Variants in PRDM2 observed in about 807,000 individuals in gnomAD.
PRDM2 encodes the protein PR/SET domain 2, also known as PR domain zinc finger protein 2.
In PRDM2, 30 loss-of-function variants were observed where a neutral mutation model predicts 130.0. That is an observed-to-expected ratio of 0.23 (90% CI 0.17 to 0.31). The LOEUF (loss-of-function observed/expected upper bound fraction) is 0.31. Among genes scored for constraint, PRDM2 ranks in the 10% least tolerant of loss-of-function variants. The pLI, the probability that PRDM2 is intolerant of heterozygous loss-of-function variation, is 1.00. For synonymous variants in PRDM2, 871 were observed against 782.4 expected (o/e 1.11, Z -1.89); for missense variants, 2,011 against 2,108.4 (o/e 0.95, Z 0.90).
intron 2 of PRDM2, among the ~76,000 whole-genome samples, chr1:13,730,085 C>G (rs1305868314): frequency 6.6e-6 from 1 of 152,160 alleles, no homozygotes; most frequent in Non-Finnish European, 1.5e-5. Flanking sequence ...AGAAGTGTTT[C>G]CCTGTGCAGT....
At chr1:13,703,013 C>T (rs1039239837) in intron 1 of PRDM2, among the ~76,000 whole-genome samples, 4 of 152,152 alleles carry the variant, frequency 2.6e-5, no homozygotes, top group Admixed American at 1.3e-4. Flanking sequence ...ACGCTTTGTG[C>T]GCTGAGCACC....
intron 8 of PRDM2, among the ~76,000 whole-genome samples, chr1:13,793,016 G>C (rs1396852693): frequency 6.6e-6 from 1 of 152,246 alleles, no homozygotes; most frequent in African/African-American, 2.4e-5. Context: ...GTTTTAGAGA[G>C]ACTTGCATGT....
chr1:13,779,336 G>T lies in PRDM2; in HGVS notation c.1541G>T (p.Gly514Val). 6.2e-7 allele frequency: 1 copy of T among 1,614,158 alleles called. No homozygotes were observed. The highest frequency in any genetic ancestry group is 8.5e-7 in the Non-Finnish European group (1 of 1,180,030). ...RVHERHLIPK[G>V]VRRKGGLEEP... ...CACGAACGTCATCTGATTCCCAAAG[G>T]TGTACGGCGAAAAGGAGGCCTTGAA... is the stretch of plus-strand genomic sequence containing the variant. Residue 514 changes from glycine to valine, a missense_variant, in exon 8 of 10, where the codon GGT becomes GTT. Gly to Val is a moderately radical substitution (Grantham distance 109, BLOSUM62 -3). Transcript: ENST00000311066. This position sits in a 1 kb window ranked among gnomAD's most constrained non-coding sequence, Gnocchi z 4.9.
intron 8 of PRDM2, among the ~76,000 whole-genome samples, chr1:13,811,117 G>A (rs779405704): frequency 7.9e-5 from 12 of 152,004 alleles, no homozygotes; most frequent in Non-Finnish European, 1.6e-4. Flanking sequence ...CTGGGAGGTG[G>A]AGATTGCAGT....
At chr1:13,788,980 G>T (rs1353594238) in intron 8 of PRDM2, among the ~76,000 whole-genome samples, 1 of 152,182 alleles carries the variant, frequency 6.6e-6, no homozygotes, top group Admixed American at 6.5e-5. Flanking sequence ...GCGCCCTCTA[G>T]GAGGAGATCT....
intron 9 of PRDM2, among the ~76,000 whole-genome samples, chr1:13,822,543 C>T (rs1645369810): frequency 1.3e-5 from 2 of 152,116 alleles, no homozygotes; most frequent in South Asian, 4.1e-4. Context: ...CTACAGGCAC[C>T]TGCCACCATG....
Position 13,780,152 on chromosome 1 carries a change from T to C in PRDM2, c.2357T>C (p.Leu786Ser), listed in dbSNP as rs749445833. Residue 786 changes from leucine (L) to serine (S), a missense_variant, in exon 8 of 10, where the codon TTG becomes TCG. This residue lies in a region of PRDM2 where 1,288 missense variants were observed against 1,237.7 expected (regional missense o/e 1.04). Coordinates refer to ENST00000311066, the MANE Select transcript of PRDM2 (RefSeq NM_001393986.1). ...ESHSDSPAWSLSGRDERETVS... is the reference protein window; with the variant it reads ...ESHSDSPAWSSSGRDERETVS... ...CACAGCGACTCACCAGCATGGAGTT[T>C]GTCTGGGAGAGATGAGAGAGAAACT... 1.2e-6 allele frequency: 2 copies of C among 1,604,984 alleles called. No individual in the cohort carries two copies. Among genetic ancestry groups the C allele is most frequent in the Admixed American group, 3.4e-5 (2 of 59,060 alleles).
chr1:13,795,225 G>A (rs1046895973), intron 8 of PRDM2, among the ~76,000 whole-genome samples: 5 of 152,194 alleles, frequency 3.3e-5, no homozygotes, highest in African/African-American at 4.8e-5. Flanking sequence ...AATAATGTAA[G>A]GATGATCACC....
rs551230999 is a variant in PRDM2 at position 13,797,699 on chromosome 1, A to G, written c.5036+14868A>G. Among the ~76,000 whole-genome samples, 179 of 152,200 alleles carry G rather than the reference A, an allele frequency of 1.2e-3. 3 individuals are homozygous for G. The South Asian group carries it at 0.037, about 31-fold the overall frequency. On this transcript the variant is annotated intron_variant, in intron 8 of 9. Coordinates refer to ENST00000311066, the MANE Select transcript of PRDM2 (RefSeq NM_001393986.1). ...CCCTAGTTTGGATCATCTCCCCAGGATGTTTGCTCAGTGGACCACCTACAT... is the reference window on the plus strand; with the variant it reads ...CCCTAGTTTGGATCATCTCCCCAGGGTGTTTGCTCAGTGGACCACCTACAT...
Position 13,776,427 on chromosome 1 carries a change from G to A in PRDM2, c.623-1991G>A, listed in dbSNP as rs559577315. On this transcript the variant is annotated intron_variant, in intron 7 of 9. Transcript: ENST00000311066. ...GGGACTGTCGCGACAGCAGCATTGG[G>A]GACCATTCCTACTAGCACGAAACCG... Among the ~76,000 whole-genome samples, 157 of 152,240 alleles carry A rather than the reference G, an allele frequency of 1.0e-3. 1 individual carries two copies. The highest frequency in any genetic ancestry group is 2.0e-3 in the Non-Finnish European group (138 of 68,020).
intron 8 of PRDM2, among the ~76,000 whole-genome samples, chr1:13,809,410 G>A (rs965759877): frequency 6.6e-6 from 1 of 152,222 alleles, no homozygotes; most frequent in Admixed American, 6.5e-5. Flanking sequence ...AGTGGCAGGT[G>A]ACGTGTAGCA....
At chr1:13,736,059 A>G (rs1461724186) in intron 4 of PRDM2, among the ~76,000 whole-genome samples, 3 of 150,574 alleles carry the variant, frequency 2.0e-5, no homozygotes, top group Non-Finnish European at 4.4e-5. Flanking sequence ...TTCTTTCAGT[A>G]TCTTGTGGAC....
At chr1:13,710,971 G>C (rs1160792953) in intron 1 of PRDM2, among the ~76,000 whole-genome samples, 1 of 151,916 alleles carries the variant, frequency 6.6e-6, no homozygotes, top group African/African-American at 2.4e-5. Flanking sequence ...TGTAGTCCCA[G>C]CTACTCGGGA....
chr1:13,780,493 G>T lies in PRDM2; in HGVS notation c.2698G>T (p.Asp900Tyr), dbSNP rs768286655. The T allele has an allele frequency of 6.2e-7, 1 of 1,614,136 alleles. No homozygotes were observed. Residue 900 changes from aspartate (D) to tyrosine (Y), a missense_variant, in exon 8 of 10, where the codon GAT becomes TAT. Asp to Tyr is a radical substitution (Grantham distance 160). Transcript: ENST00000311066. ...KVLLNEYNGIDLPVENPADGT... is the reference protein window; with the variant it reads ...KVLLNEYNGIYLPVENPADGT... The stretch of plus-strand genomic sequence containing the variant: ...TCTTCTCAATGAATATAATGGCATC[G>T]ATTTACCTGTAGAAAACCCTGCAGA...
At chr1:13,819,951 A>G (rs1042433784) in intron 9 of PRDM2, among the ~76,000 whole-genome samples, 8 of 152,208 alleles carry the variant, frequency 5.3e-5, no homozygotes, top group African/African-American at 1.9e-4. Context: ...TTTTAGGGAG[A>G]CACAGTTCAG....
At chr1:13,774,010 A>T (rs1644416051) in intron 7 of PRDM2, among the ~76,000 whole-genome samples, 1 of 152,258 alleles carries the variant, frequency 6.6e-6, no homozygotes, top group Admixed American at 6.5e-5. Flanking sequence ...AACAAAAAGT[A>T]TACAGAATGA....
In PRDM2 at chr1:13,782,551, C is replaced by T; in HGVS notation, c.4756C>T (p.His1586Tyr). ...CCCGATAAGAATGGCCAAAATAACT[C>T]ATGTTGAGGGGAAAAAACCTAAAGC... Reference protein sequence around the residue: ...SSPIRMAKITHVEGKKPKAVA... With the variant: ...SSPIRMAKITYVEGKKPKAVA... Residue 1586 changes from histidine to tyrosine, a missense_variant, in exon 8 of 10, where the codon CAT (histidine) becomes TAT (tyrosine). Around this residue, in one of 5 missense-constraint regions of PRDM2, gnomAD observed 410 missense variants for 395.9 expected, o/e 1.04. Transcript: ENST00000311066. The T allele has an allele frequency of 1.2e-6, 2 of 1,614,172 alleles. No homozygotes were observed. The highest frequency in any genetic ancestry group is 1.7e-6 in the Non-Finnish European group (2 of 1,180,038).
At chr1:13,804,597 G>C (rs542962778) in intron 8 of PRDM2, among the ~76,000 whole-genome samples, 4 of 152,264 alleles carry the variant, frequency 2.6e-5, no homozygotes, top group Admixed American at 2.0e-4. Context: ...GCTCCGGGGG[G>C]GGAAATGATG....
At position 13,779,910 on chromosome 1, in the gene PRDM2, G is replaced by A; in HGVS notation, c.2115G>A (p.Gly705=). ...CCCAAGATAAACTAACTCCTGCAGGGATTTCAGCAACTGAAATAGCTAAAT... is the reference window on the plus strand; with the variant it reads ...CCCAAGATAAACTAACTCCTGCAGGAATTTCAGCAACTGAAATAGCTAAAT... ...LQTQDKLTPA[G]ISATEIAKLG... Residue 705 remains glycine, a synonymous_variant, in exon 8 of 10, where the codon GGG becomes GGA. Transcript: ENST00000311066. This position sits in a 1 kb window ranked among gnomAD's most constrained non-coding sequence, Gnocchi z 4.9. 1.3e-6 allele frequency: 2 copies of A among 1,595,192 alleles called. No individual in the cohort carries two copies. Among genetic ancestry groups the A allele is most frequent in the Non-Finnish European group, 1.7e-6 (2 of 1,170,304 alleles).
Sources: allele counts gnomAD v4.1 joint callset (sites outside exome capture counted in the v4.1 genomes callset), GRCh38; gene constraint gnomAD v4.1.1; regional missense constraint gnomAD v4.1.1; non-coding constraint Gnocchi (gnomAD v3.1); transcripts MANE v1.5; gene names NCBI Gene and HGNC (gene_info 2026-07-23, HGNC 2026-07-21).